The following ERBB4 variants were observed in gnomAD, a reference collection of about 807,000 sequenced individuals.
ERBB4 encodes erb-b2 receptor tyrosine kinase 4.
Under a neutral mutation model 158.0 loss-of-function variants are expected in ERBB4, and 42 were observed. The observed-to-expected ratio is 0.27, with a 90% CI of 0.21 to 0.34. The LOEUF (loss-of-function observed/expected upper bound fraction) is 0.34. ERBB4 is among the 10% of genes least tolerant of loss of function. The pLI is 1.00. For synonymous variants in ERBB4, 583 were observed against 558.7 expected (o/e 1.04, Z -0.61); for missense variants, 1,333 against 1,624.1 (o/e 0.82, Z 3.08).
chr2:211,378,665 G>A lies in ERBB4; in HGVS notation c.*4950C>T, dbSNP rs1256720179. The A allele has an allele frequency of 4.3e-6, 1 of 232,086 alleles. No homozygotes were observed. The highest frequency in any genetic ancestry group is 8.5e-6 in the Non-Finnish European group (1 of 117,158). 14.4% of individuals were successfully genotyped at this position (232,086 alleles called of 1,614,324 possible). A position where few individuals can be genotyped will look rare whatever the true frequency, so the allele number is the denominator to read the frequency against. ...CCCATTGTAATATCAGTAATAATGA[G>A]GTCTCCACTGATAATGATCTTTTAA... is the stretch of plus-strand genomic sequence containing the variant. On this transcript the variant is annotated 3_prime_UTR_variant, in exon 28 of 28. Coordinates refer to ENST00000342788, the MANE Select transcript of ERBB4 (RefSeq NM_005235.3).
Position 212,103,816 on chromosome 2 carries a change from T to C in ERBB4, c.234+20936A>G, listed in dbSNP as rs541179083. Among the ~76,000 whole-genome samples the C allele has an allele frequency of 3.3e-5, 5 of 152,086 alleles. No individual in the cohort carries two copies. The South Asian group carries it at 6.2e-4, about 19-fold the overall frequency. On this transcript the variant is annotated intron_variant, in intron 2 of 27. Coordinates refer to ENST00000342788, the MANE Select transcript of ERBB4 (RefSeq NM_005235.3). ...TTAAACATGATTTAAAAGAGAAACA[T>C]TCTGAATGTTAAGAACTGTGAAGTA...
At chr2:211,580,819 A>AGAT (rs2068057928) in intron 19 of ERBB4, among the ~76,000 whole-genome samples, 1 of 40,574 alleles carries the variant, frequency 2.5e-5, no homozygotes, top group African/African-American at 4.6e-5. Context: ...TATAATATAT[A>AGAT]TATATTATAT....
At chr2:211,824,045 T>G (rs1405317268) in intron 3 of ERBB4, among the ~76,000 whole-genome samples, 1 of 152,084 alleles carries the variant, frequency 6.6e-6, no homozygotes, top group African/African-American at 2.4e-5. Context: ...TGTCCAGGCT[T>G]GGGCATGGAG....
Position 212,326,858 on chromosome 2 carries a change from T to C in ERBB4, c.83-201955A>G, listed in dbSNP as rs184901705. On this transcript the variant is annotated intron_variant, in intron 1 of 27. Coordinates refer to ENST00000342788, the MANE Select transcript of ERBB4 (RefSeq NM_005235.3). ...ATGTGCACATGTATGTGTATGTCTG[T>C]CTGTAAGGATAGAGAATGGCTGAAA... Among the ~76,000 whole-genome samples, 24 of 151,168 alleles carry C rather than the reference T, an allele frequency of 1.6e-4. 1 individual carries two copies. The East Asian group carries it at 2.1e-3, about 13-fold the overall frequency.
intron 3 of ERBB4, among the ~76,000 whole-genome samples, chr2:211,938,223 A>G (rs573448384): frequency 6.6e-6 from 1 of 152,280 alleles, no homozygotes; most frequent in South Asian, 2.1e-4. Flanking sequence ...TGTACTTGAT[A>G]ATTTAACTTT....
intron 2 of ERBB4, among the ~76,000 whole-genome samples, chr2:212,109,196 TGCCAATG>T (rs1341739838): frequency 2.0e-5 from 3 of 152,202 alleles, no homozygotes; most frequent in Admixed American, 6.5e-5. Context: ...TGCTTTGTGG[TGCCAATG>T]GCCCGGTTCC....
chr2:212,255,608 G>GT lies in ERBB4; in HGVS notation c.83-130706dup, dbSNP rs1159482100. ...GATTTTAGGTTTTTGGTGTGTGTGT[G>GT]TTTTTTTTAAATATTTGCATTATAT... On this transcript the variant is annotated intron_variant, in intron 1 of 27. Transcript: ENST00000342788. Among the ~76,000 whole-genome samples the GT allele has an allele frequency of 5.9e-5, 9 of 151,906 alleles. No homozygotes were observed. The East Asian group carries it at 7.7e-4, about 13-fold the overall frequency.
intron 1 of ERBB4, among the ~76,000 whole-genome samples, chr2:212,147,050 G>T (rs577820918): frequency 3.9e-4 from 54 of 139,920 alleles, no homozygotes; most frequent in African/African-American, 1.4e-3. Context: ...TCTTGCAGTG[G>T]CAGGATCTTG....
intron 1 of ERBB4, among the ~76,000 whole-genome samples, chr2:212,349,383 T>C (rs2089156918): frequency 6.6e-6 from 1 of 151,932 alleles, no homozygotes; most frequent in Non-Finnish European, 1.5e-5. Context: ...AGTGTACATA[T>C]TGGACATTTC....
intron 1 of ERBB4, among the ~76,000 whole-genome samples, chr2:212,195,923 T>C (rs908632715): frequency 6.6e-6 from 1 of 152,122 alleles, no homozygotes; most frequent in Non-Finnish European, 1.5e-5. Context: ...AAATGGAAAA[T>C]TTTCTTTTTA....
intron 2 of ERBB4, among the ~76,000 whole-genome samples, chr2:212,118,225 C>T (rs920188097): frequency 2.0e-5 from 3 of 152,152 alleles, no homozygotes; most frequent in African/African-American, 4.8e-5. Flanking sequence ...TTCATATTAA[C>T]TCTCAATGGT....
rs945891083 is a variant in ERBB4 at position 212,327,711 on chromosome 2, T to A, written c.83-202808A>T. On this transcript the variant is annotated intron_variant, in intron 1 of 27. Coordinates refer to ENST00000342788, the MANE Select transcript of ERBB4 (RefSeq NM_005235.3). Reference sequence around the variant, plus strand: ...AGTCTAAAACCCCTTTAACGATTCTTTTTTTTTTCTTTTTTTCTTTTTTTT... The same window carrying A: ...AGTCTAAAACCCCTTTAACGATTCTATTTTTTTTCTTTTTTTCTTTTTTTT... Among the ~76,000 whole-genome samples, 213 of 114,312 alleles carry A rather than the reference T, an allele frequency of 1.9e-3. 3 individuals carry two copies. Among genetic ancestry groups the A allele is most frequent in the African/African-American group, 6.8e-3 (204 of 29,956 alleles). 75.0% of individuals were successfully genotyped at this position (114,312 alleles called of 152,430 possible). A position where few individuals can be genotyped will look rare whatever the true frequency, so the allele number is the denominator to read the frequency against.
intron 19 of ERBB4, among the ~76,000 whole-genome samples, chr2:211,594,508 C>T (rs76477737): frequency 0.047 from 7,155 of 151,510 alleles, 582 homozygotes; most frequent in African/African-American, 0.16. Context: ...GTAGACCATT[C>T]AGAAATAGCT....
At position 211,898,759 on chromosome 2, in the gene ERBB4, T is replaced by A. The variant is rs2079159947; in HGVS notation, c.421+48671A>T. Reference sequence around the variant, plus strand: ...TAACTAATTTATATTTCTCTTCTAATGGGAATAGAATTAGTAATTACTTTT... The same window carrying A: ...TAACTAATTTATATTTCTCTTCTAAAGGGAATAGAATTAGTAATTACTTTT... On this transcript the variant is annotated intron_variant, in intron 3 of 27. Coordinates refer to ENST00000342788, the MANE Select transcript of ERBB4 (RefSeq NM_005235.3). Among the ~76,000 whole-genome samples the A allele has an allele frequency of 2.0e-5, 3 of 152,288 alleles. No individual in the cohort carries two copies. In the South Asian group the frequency reaches 6.2e-4, roughly 32 times the overall value.
At chr2:212,016,008 A>T (rs1309518008) in intron 2 of ERBB4, among the ~76,000 whole-genome samples, 3 of 150,888 alleles carry the variant, frequency 2.0e-5, no homozygotes, top group African/African-American at 7.4e-5. Flanking sequence ...AGATTTTTAT[A>T]GCGTAGGACT....
At chr2:211,415,551 C>T (rs1346325147) in intron 25 of ERBB4, among the ~76,000 whole-genome samples, 1 of 152,134 alleles carries the variant, frequency 6.6e-6, no homozygotes, top group African/African-American at 2.4e-5. Flanking sequence ...GATTTGCTTG[C>T]ATTTCTTTCT....
chr2:211,505,624 A>G lies in ERBB4; in HGVS notation c.2487+56279T>C, dbSNP rs1280984357. 3.3e-5 allele frequency among the ~76,000 whole-genome samples: 5 copies of G among 152,136 alleles called. No individual in the cohort carries two copies. In the East Asian group the frequency reaches 5.8e-4, roughly 18 times the overall value. On this transcript the variant is annotated intron_variant, in intron 20 of 27. Transcript: ENST00000342788. The stretch of plus-strand genomic sequence containing the variant: ...GACAGGAACAAAACGTCACATATCA[A>G]CATTAACAAAGAATGTAAACAGCCT...
intron 4 of ERBB4, among the ~76,000 whole-genome samples, chr2:211,768,042 G>T (rs367718333): frequency 6.6e-6 from 1 of 152,204 alleles, no homozygotes. Flanking sequence ...CCTAGATACA[G>T]TGGGGTTCAG....
At chr2:212,051,302 C>A (rs1026596946) in intron 2 of ERBB4, among the ~76,000 whole-genome samples, 5 of 151,850 alleles carry the variant, frequency 3.3e-5, no homozygotes, top group Non-Finnish European at 1.5e-5. Flanking sequence ...TTAAGTAATT[C>A]TTTTAAGTGC....
Sources: gnomAD v4.1 joint callset for allele counts (sites outside exome capture counted in the v4.1 genomes callset) on GRCh38, gnomAD v4.1.1 for gene constraint, MANE v1.5 for transcripts, NCBI Gene and HGNC (gene_info 2026-07-23, HGNC 2026-07-21) for gene names.